SYT1: variants seen among roughly 807,000 people sequenced by gnomAD.
SYT1 encodes synaptotagmin 1.
SYT1 carries 8 observed loss-of-function variants against 44.8 expected under a neutral mutation model. That is an observed-to-expected ratio of 0.18 (90% confidence interval 0.10 to 0.32). The LOEUF (loss-of-function observed/expected upper bound fraction) is 0.32, where lower values mean the gene tolerates loss of function less well. Ranked by LOEUF, SYT1 falls within the 10% of genes least tolerant of loss-of-function variation. The probability of loss-of-function intolerance (pLI) is 1.00; values close to 1 mark genes in which losing one functional copy is unlikely to be tolerated. For synonymous variants in SYT1, 154 were observed against 188.8 expected (o/e 0.82, Z 1.51); for missense variants, 286 against 509.3 (o/e 0.56, Z 4.22).
chr12:79,249,229 C>A lies in SYT1; in HGVS notation c.166+31544C>A, dbSNP rs377219141. On this transcript the variant is annotated intron_variant, in intron 4 of 10. Coordinates refer to ENST00000261205, the MANE Select transcript of SYT1 (RefSeq NM_005639.3). ...ACGCCATTCTCCTGCCTCAGCTTCCCGAGTAGCTGGGACTACAGGCGCCCG... is the reference window on the plus strand; with the variant it reads ...ACGCCATTCTCCTGCCTCAGCTTCCAGAGTAGCTGGGACTACAGGCGCCCG... Among the ~76,000 whole-genome samples the A allele has an allele frequency of 9.1e-4, 138 of 151,362 alleles. 1 individual carries two copies. The highest frequency in any genetic ancestry group is 3.2e-3 in the African/African-American group (130 of 41,234).
chr12:78,920,520 A>C (rs1360504627), intron 1 of SYT1, among the ~76,000 whole-genome samples: 1 of 151,890 alleles, frequency 6.6e-6, no homozygotes, highest in East Asian at 1.9e-4. Context: ...CACATGTTTT[A>C]ATTTCTTCTT....
At chr12:79,099,202 G>T (rs532032838) in intron 3 of SYT1, among the ~76,000 whole-genome samples, 1 of 152,150 alleles carries the variant, frequency 6.6e-6, no homozygotes, top group Non-Finnish European at 1.5e-5. Context: ...TGAGAAAACT[G>T]TTAATTCCCC....
chr12:79,315,602 T>C (rs2138956666), intron 8 of SYT1, among the ~76,000 whole-genome samples: 1 of 152,268 alleles, frequency 6.6e-6, no homozygotes, highest in Non-Finnish European at 1.5e-5. Context: ...AGCCCTCAGG[T>C]GTGCTGGAAA....
At chr12:79,245,671 G>A (rs1330168790) in intron 4 of SYT1, among the ~76,000 whole-genome samples, 1 of 151,932 alleles carries the variant, frequency 6.6e-6, no homozygotes, top group Non-Finnish European at 1.5e-5. Context: ...GCTGTTCTGG[G>A]GAGCAACTCA....
intron 3 of SYT1, chr12:79,102,980 C>T (rs781747024): frequency 1.6e-4 from 25 of 151,974 alleles, no homozygotes; most frequent in Admixed American, 9.8e-4. Context: ...CCTCACAACA[C>T]TATAAGGTAA....
At chr12:79,256,658 G>T (rs1242809893) in intron 4 of SYT1, among the ~76,000 whole-genome samples, 1 of 151,482 alleles carries the variant, frequency 6.6e-6, no homozygotes, top group Non-Finnish European at 1.5e-5. Context: ...GATGAAGGGA[G>T]ATACACTACT....
At chr12:79,125,551 T>C (rs1471540161) in intron 3 of SYT1, among the ~76,000 whole-genome samples, 1 of 143,634 alleles carries the variant, frequency 7.0e-6, no homozygotes, top group Admixed American at 7.1e-5. Context: ...TCCTGGGAGG[T>C]GGAGACTGCA....
chr12:79,191,012 C>A (rs1036259295), intron 3 of SYT1, among the ~76,000 whole-genome samples: 2 of 151,822 alleles, frequency 1.3e-5, no homozygotes, highest in East Asian at 3.9e-4. Context: ...AAATGTGAGT[C>A]TTGGAGCAGA....
chr12:79,445,866 C>A (rs1414905260), intron 10 of SYT1, among the ~76,000 whole-genome samples: 1 of 145,248 alleles, frequency 6.9e-6, no homozygotes, highest in African/African-American at 2.5e-5. Context: ...AATAGCTACA[C>A]TTATTTTATA....
intron 4 of SYT1, among the ~76,000 whole-genome samples, chr12:79,248,247 T>C (rs1266782363): frequency 6.6e-6 from 1 of 152,138 alleles, no homozygotes. Flanking sequence ...GATTTAATAG[T>C]AAGTGAGATG....
chr12:79,239,383 A>G (rs538620785), intron 4 of SYT1, among the ~76,000 whole-genome samples: 1 of 152,354 alleles, frequency 6.6e-6, no homozygotes, highest in East Asian at 1.9e-4. Context: ...GCCAACGGAC[A>G]CATGACAACT....
intron 2 of SYT1, among the ~76,000 whole-genome samples, chr12:78,979,313 G>A (rs757775619): frequency 1.3e-5 from 2 of 151,932 alleles, no homozygotes; most frequent in African/African-American, 4.8e-5. Context: ...TGTCTTTTAG[G>A]AACATTTTCA....
chr12:79,135,149 A>G (rs542057659), intron 3 of SYT1, among the ~76,000 whole-genome samples: 1 of 152,116 alleles, frequency 6.6e-6, no homozygotes, highest in Non-Finnish European at 1.5e-5. Flanking sequence ...CATGTGCACA[A>G]CGTGCAGGTT....
chr12:78,880,529 C>A (rs968836813), intron 1 of SYT1, among the ~76,000 whole-genome samples: 12 of 151,388 alleles, frequency 7.9e-5, no homozygotes, highest in African/African-American at 2.9e-4. Flanking sequence ...TTTTTTACTT[C>A]CTGATCTCCG....
chr12:79,353,688 C>T, intron 9 of SYT1, 69 bp downstream of exon 9: 1 of 1,088,598 alleles, frequency 9.2e-7, no homozygotes, highest in Non-Finnish European at 1.4e-6. Flanking sequence ...GCATGGCGCA[C>T]ATGCTGCGAC....
chr12:79,252,989 G>A (rs1877305564), intron 4 of SYT1, among the ~76,000 whole-genome samples: 1 of 152,040 alleles, frequency 6.6e-6, no homozygotes, highest in Admixed American at 6.6e-5. Context: ...TGGAATGGTG[G>A]GGAGCAAAGG....
intron 4 of SYT1, among the ~76,000 whole-genome samples, chr12:79,247,854 C>T (rs762355775): frequency 6.6e-6 from 1 of 152,070 alleles, no homozygotes; most frequent in South Asian, 2.1e-4. Flanking sequence ...TAGTGAAAAT[C>T]TAGGAAGATG....
chr12:79,313,603 CAAA>C (rs58288822), intron 8 of SYT1, among the ~76,000 whole-genome samples: 6 of 101,188 alleles, frequency 5.9e-5, no homozygotes, highest in East Asian at 2.4e-4. Context: ...TTTTAAAAAG[CAAA>C]AAAAAAAAAA....
At chr12:79,039,734 C>A (rs1309373324) in intron 2 of SYT1, among the ~76,000 whole-genome samples, 2 of 150,260 alleles carry the variant, frequency 1.3e-5, no homozygotes, top group African/African-American at 4.9e-5. Flanking sequence ...AACTGGTCAT[C>A]TAGCATTAGG....
Sources: gnomAD v4.1 joint callset for allele counts (sites outside exome capture counted in the v4.1 genomes callset) on GRCh38, gnomAD v4.1.1 for gene constraint, MANE v1.5 for transcripts, NCBI Gene and HGNC (gene_info 2026-07-23, HGNC 2026-07-21) for gene names.